Variants in DPY19L1 observed in about 807,000 individuals in gnomAD.
The protein encoded by DPY19L1 is protein C-mannosyl-transferase DPY19L1.
In DPY19L1, 35 loss-of-function variants were observed where a neutral mutation model predicts 96.9. The observed-to-expected ratio is 0.36, with a 90% CI of 0.28 to 0.48. DPY19L1 has a LOEUF of 0.48. Ranked by LOEUF, DPY19L1 falls within the 20% of genes least tolerant of loss-of-function variation. The pLI, the probability that DPY19L1 is intolerant of heterozygous loss-of-function variation, is 0.99. For missense variants in DPY19L1, 521 were observed against 777.9 expected (o/e 0.67, Z 3.93); for synonymous variants, 205 against 252.6 (o/e 0.81, Z 1.79).
chr7:34,952,114 TAAA>T (rs150497259), intron 13 of DPY19L1, among the ~76,000 whole-genome samples: 1 of 107,864 alleles, frequency 9.3e-6, no homozygotes, highest in Admixed American at 8.3e-5. Flanking sequence ...GTAGGAAAAA[TAAA>T]AAAAAAGACC....
At chr7:35,023,817 CT>C (rs1427172861) in intron 1 of DPY19L1, among the ~76,000 whole-genome samples, 1 of 117,056 alleles carries the variant, frequency 8.5e-6, no homozygotes, top group Non-Finnish European at 1.8e-5. Context: ...GAAATATATT[CT>C]TTTTCTTTTC....
At chr7:34,947,767 A>G in intron 14 of DPY19L1, 66 bp from the exon 15 acceptor site, 1 of 1,289,826 alleles carries the variant, frequency 7.8e-7, no homozygotes, top group Non-Finnish European at 1.1e-6. Context: ...CATTTCAAAT[A>G]ATGAAATAGG....
intron 10 of DPY19L1, among the ~76,000 whole-genome samples, chr7:34,963,193 CAAAAAAAAAAAAA>C (rs58387078): frequency 0.024 from 1,879 of 78,918 alleles, 31 homozygotes; most frequent in Admixed American, 0.033. Context: ...AGATCTGTCT[CAAAAAAAAAAAAA>C]AAAAAAAAAA....
chr7:35,001,880 C>T (rs1304175618), intron 6 of DPY19L1, among the ~76,000 whole-genome samples: 1 of 151,970 alleles, frequency 6.6e-6, no homozygotes, highest in Non-Finnish European at 1.5e-5. Context: ...AATCCCAGCA[C>T]TTTGGGAGGC....
chr7:34,940,402 A>G (rs1783979125), intron 18 of DPY19L1, 75 bp from the exon 19 acceptor site: 1 of 1,321,072 alleles, frequency 7.6e-7, no homozygotes, highest in Non-Finnish European at 1.0e-6. Context: ...ACTTCTTCCC[A>G]GAGAAGAATA....
chr7:34,967,019 T>C (rs1784625647), intron 9 of DPY19L1, 48 bp from the exon 10 acceptor site: 2 of 1,357,192 alleles, frequency 1.5e-6, no homozygotes, highest in Non-Finnish European at 2.0e-6. Flanking sequence ...AATGAATAGC[T>C]ACAAGAATGA....
chr7:34,989,950 G>T lies in DPY19L1; in HGVS notation c.765-9C>A. ...CTCCTAATCGGCTGCCACTGGAAAA[G>T]AAGAAAACATAACTCAAATAACAAA... On this transcript the variant is annotated splice_polypyrimidine_tract_variant and intron_variant, in intron 6 of 21. Transcript: ENST00000638088. The T allele has an allele frequency of 6.2e-7, 1 of 1,605,388 alleles. No homozygotes were observed. The highest frequency in any genetic ancestry group is 8.5e-7 in the Non-Finnish European group (1 of 1,177,100).
At chr7:34,975,635 G>A (rs1014902525) in intron 7 of DPY19L1, among the ~76,000 whole-genome samples, 4 of 152,200 alleles carry the variant, frequency 2.6e-5, no homozygotes, top group African/African-American at 9.7e-5. Flanking sequence ...GGAAAAAGAT[G>A]CCATCTAGGA....
chr7:35,018,056 TC>T, intron 2 of DPY19L1, 87 bp from the exon 3 acceptor site: 1 of 910,186 alleles, frequency 1.1e-6, no homozygotes, highest in South Asian at 2.1e-5. Context: ...AATAAAAGTA[TC>T]AGTTAACTTG....
intron 6 of DPY19L1, among the ~76,000 whole-genome samples, chr7:34,990,622 T>TA (rs1439359988): frequency 1.3e-5 from 2 of 152,226 alleles, no homozygotes; most frequent in African/African-American, 4.8e-5. Context: ...TACAATGGTA[T>TA]AATCTGGTAG....
chr7:35,027,081 G>A (rs1229321513), intron 1 of DPY19L1, among the ~76,000 whole-genome samples: 12 of 152,040 alleles, frequency 7.9e-5, no homozygotes, highest in Admixed American at 2.0e-4. Flanking sequence ...CCTGTAATCC[G>A]AGCTGCTCAA....
intron 11 of DPY19L1, among the ~76,000 whole-genome samples, chr7:34,957,404 A>AC (rs1184634294): frequency 7.4e-4 from 113 of 152,288 alleles, no homozygotes; most frequent in African/African-American, 2.6e-3. Flanking sequence ...AAACAAACAA[A>AC]AAAACAAAGT....
chr7:35,037,110 G>T lies in DPY19L1; in HGVS notation c.285C>A (p.Thr95=). 4.9e-6 allele frequency: 1 copy of T among 204,974 alleles called. No homozygotes were observed. Among genetic ancestry groups the T allele is most frequent in the South Asian group, 1.8e-4 (1 of 5,586 alleles). 12.7% of individuals were successfully genotyped at this position (204,974 alleles called of 1,614,324 possible). The change falls in exon 1 of 22, where the codon ACC becomes ACA. Residue 95 remains threonine, a synonymous_variant. Transcript: ENST00000638088. ...LRRAGRGRTW[T]TLLLAVFAAV... is the part of the protein sequence containing the mutation. Reference sequence around the variant, plus strand: ...AGGGCTGCTCACCTAACAGGAGCGTGGTCCAGGTCCGGCCGCGCCCCGCGC... The same window carrying T: ...AGGGCTGCTCACCTAACAGGAGCGTTGTCCAGGTCCGGCCGCGCCCCGCGC...
At chr7:34,972,126 A>G (rs1784736509) in intron 8 of DPY19L1, among the ~76,000 whole-genome samples, 1 of 152,198 alleles carries the variant, frequency 6.6e-6, no homozygotes, top group African/African-American at 2.4e-5. Flanking sequence ...TCTCCCAAGA[A>G]AGGCAGGCAG....
intron 17 of DPY19L1, among the ~76,000 whole-genome samples, chr7:34,942,293 A>C (rs1381236386): frequency 6.6e-6 from 1 of 152,304 alleles, no homozygotes; most frequent in East Asian, 1.9e-4. Context: ...CACATCTCTG[A>C]GGCCTCAAGC....
upstream of DPY19L1, chr7:35,037,832 C>A: frequency 8.1e-7 from 1 of 1,230,736 alleles, no homozygotes; most frequent in Non-Finnish European, 1.0e-6. Context: ...TCGGCGCCCG[C>A]GCGGGGCTCG....
chr7:34,947,781 A>G (rs892832105), intron 14 of DPY19L1, 80 bp from the exon 15 acceptor site: 1 of 1,171,942 alleles, frequency 8.5e-7, no homozygotes, highest in Admixed American at 2.0e-5. Flanking sequence ...AAATAGGTAA[A>G]TTTCTGAAAG....
At chr7:34,989,383 G>A (rs1233352438) in intron 7 of DPY19L1, among the ~76,000 whole-genome samples, 2 of 152,156 alleles carry the variant, frequency 1.3e-5, no homozygotes, top group Non-Finnish European at 2.9e-5. Flanking sequence ...GGGAGACCAA[G>A]GCAGGAGGAT....
chr7:35,004,697 T>A (rs1016111797), intron 6 of DPY19L1, among the ~76,000 whole-genome samples: 3 of 152,224 alleles, frequency 2.0e-5, no homozygotes, highest in Admixed American at 2.0e-4. Flanking sequence ...GATAATACAC[T>A]CATATGATAG....
Sources: allele counts gnomAD v4.1 joint callset (sites outside exome capture counted in the v4.1 genomes callset), GRCh38; gene constraint gnomAD v4.1.1; transcripts MANE v1.5; gene names NCBI Gene and HGNC (gene_info 2026-07-23, HGNC 2026-07-21).